TFB2M: variants seen among roughly 807,000 people sequenced by gnomAD.
The protein encoded by TFB2M is transcription factor B2, mitochondrial.
TFB2M carries 44 observed loss-of-function variants against 41.3 expected under a neutral mutation model. That is an observed-to-expected ratio of 1.07 (90% confidence interval 0.84 to 1.37). TFB2M has a LOEUF of 1.37. Ranked by LOEUF, TFB2M falls within the 40% of genes most tolerant of loss-of-function variation. The pLI is 0.00. For synonymous variants in TFB2M, 188 were observed against 176.8 expected, an observed-to-expected ratio of 1.06 and a Z score of -0.50; for missense variants, 496 against 490.2, an observed-to-expected ratio of 1.01 and a Z score of -0.11.
chr1:246,546,298 G>A (rs1464029114), intron 6 of TFB2M, among the ~76,000 whole-genome samples: 1 of 63,318 alleles, frequency 1.6e-5, no homozygotes, highest in African/African-American at 4.2e-5. Context: ...GGAGAAGAGT[G>A]AGACACTGTC....
intron 6 of TFB2M, among the ~76,000 whole-genome samples, chr1:246,547,018 C>CT (rs1659041920): frequency 7.4e-6 from 1 of 135,702 alleles, no homozygotes; most frequent in Non-Finnish European, 1.5e-5. Flanking sequence ...AAGTCTCACT[C>CT]TGTTATCCAG....
chr1:246,542,955 CAA>C (rs1658903916), intron 7 of TFB2M, among the ~76,000 whole-genome samples: 1 of 130,814 alleles, frequency 7.6e-6, no homozygotes, highest in Non-Finnish European at 1.6e-5. Flanking sequence ...AGGCTCATCT[CAA>C]AGTCTTGTTG....
intron 4 of TFB2M, among the ~76,000 whole-genome samples, chr1:246,551,524 G>A (rs1022653283): frequency 6.6e-5 from 10 of 152,160 alleles, no homozygotes; most frequent in African/African-American, 2.2e-4. Context: ...TGGGCGTTCC[G>A]TGTGAGATGA....
chr1:246,554,662 A>T lies in TFB2M; in HGVS notation c.705+1911T>A, dbSNP rs539942451. ...TTGTATAATTATTTCATTATATATT[A>T]CAATGTAATAATAATAGAAATAAAG... On this transcript the variant is annotated intron_variant, in intron 4 of 7. Transcript: ENST00000366514. Among the ~76,000 whole-genome samples the T allele has an allele frequency of 1.8e-3, 272 of 152,280 alleles. 2 individuals carry two copies. The highest frequency in any genetic ancestry group is 3.1e-3 in the Non-Finnish European group (214 of 68,020).
In TFB2M at chr1:246,559,624, AG is replaced by A. The variant is rs1410832493; in HGVS notation, c.403-2091del. Among the ~76,000 whole-genome samples, 23 of 152,342 alleles carry A rather than the reference AG, an allele frequency of 1.5e-4. 1 individual carries two copies. Among genetic ancestry groups the A allele is most frequent in the East Asian group, 5.8e-4 (3 of 5,182 alleles). On this transcript the variant is annotated intron_variant, in intron 2 of 7. Transcript: ENST00000366514. ...GGGAAGTTTTAAAAAGACTAGAGGA[AG>A]GGAAAGACTGGGGGTGGAAATCATA...
At chr1:246,553,554 C>T (rs186914526) in intron 4 of TFB2M, among the ~76,000 whole-genome samples, 22 of 152,006 alleles carry the variant, frequency 1.4e-4, no homozygotes, top group African/African-American at 4.3e-4. Context: ...TGTAGTCCCA[C>T]CTACTGGGGA....
intron 2 of TFB2M, among the ~76,000 whole-genome samples, chr1:246,562,595 T>C (rs1659482967): frequency 6.6e-6 from 1 of 151,784 alleles, no homozygotes; most frequent in Non-Finnish European, 1.5e-5. Flanking sequence ...GGTCAGTCTA[T>C]AAAAATCGAA....
chr1:246,555,864 T>C (rs1207871644), intron 4 of TFB2M, among the ~76,000 whole-genome samples: 1 of 152,060 alleles, frequency 6.6e-6, no homozygotes, highest in Non-Finnish European at 1.5e-5. Flanking sequence ...GATCTGGGCT[T>C]ATAGCAACCT....
At chr1:246,545,290 G>C (rs1224415630) in intron 6 of TFB2M, among the ~76,000 whole-genome samples, 1 of 152,040 alleles carries the variant, frequency 6.6e-6, no homozygotes, top group African/African-American at 2.4e-5. Context: ...CAGCACTTTG[G>C]GAGGCCAAGG....
intron 4 of TFB2M, 86 bp downstream of exon 4, chr1:246,556,487 C>T (rs1249101370): frequency 2.0e-6 from 2 of 1,011,936 alleles, no homozygotes; most frequent in Non-Finnish European, 2.8e-6. Context: ...ATGTCACGAG[C>T]CCTAAATTAA....
intron 6 of TFB2M, among the ~76,000 whole-genome samples, chr1:246,544,882 T>C (rs1328541895): frequency 6.6e-6 from 1 of 152,190 alleles, no homozygotes. Context: ...CTCCACTCAC[T>C]GAAAGCTCCA....
intron 4 of TFB2M, 108 bp from the exon 5 acceptor site, chr1:246,551,410 A>T: frequency 2.5e-6 from 2 of 791,862 alleles, no homozygotes; most frequent in Non-Finnish European, 4.1e-6. Flanking sequence ...CATTTAAGAA[A>T]AGAAAACTAG....
At chr1:246,546,312 T>TAAAAAA in intron 6 of TFB2M, among the ~76,000 whole-genome samples, 1 of 140,286 alleles carries the variant, frequency 7.1e-6, no homozygotes, top group East Asian at 2.1e-4. Context: ...CACTGTCTTT[T>TAAAAAA]AAAAAAAGAA....
chr1:246,565,355 C>T lies in TFB2M; in HGVS notation c.313+471G>A, dbSNP rs139015422. 6.2e-4 allele frequency among the ~76,000 whole-genome samples: 94 copies of T among 152,320 alleles called. 1 individual carries two copies. In the East Asian group the frequency reaches 0.016, roughly 27 times the overall value. On this transcript the variant is annotated intron_variant, in intron 1 of 7. Transcript: ENST00000366514. ...CTGCTACAGAAATACTTTGTGGTGTCATTAACGATACAGACTCTACGCTTA... is the reference window on the plus strand; with the variant it reads ...CTGCTACAGAAATACTTTGTGGTGTTATTAACGATACAGACTCTACGCTTA...
intron 1 of TFB2M, 24 bp from the exon 2 acceptor site, chr1:246,564,458 G>A (rs755837922): frequency 6.2e-7 from 1 of 1,600,492 alleles, no homozygotes; most frequent in South Asian, 1.1e-5. Context: ...AGAACGAAAA[G>A]TTTATTTGTA....
intron 7 of TFB2M, among the ~76,000 whole-genome samples, chr1:246,541,463 T>A (rs911105295): frequency 7.0e-6 from 1 of 143,444 alleles, no homozygotes; most frequent in African/African-American, 2.5e-5. Flanking sequence ...ACTTCAACAA[T>A]CCATCCATGA....
chr1:246,556,797 A>G, intron 3 of TFB2M, 76 bp from the exon 4 acceptor site: 1 of 1,167,966 alleles, frequency 8.6e-7, no homozygotes, highest in Non-Finnish European at 1.2e-6. Flanking sequence ...TTTTGAGACA[A>G]ACTAAGTTAA....
At position 246,564,514 on chromosome 1, in the gene TFB2M, C is replaced by T. The variant is rs1659543414; in HGVS notation, c.314-80G>A. On this transcript the variant is annotated intron_variant, in intron 1 of 7. Coordinates refer to ENST00000366514, the MANE Select transcript of TFB2M (RefSeq NM_022366.3). ...AATACCAAACTTTCATTAGATGTTT[C>T]ACACGTTATTACCTGGTTTTTAAAT... 6.2e-6 allele frequency: 8 copies of T among 1,297,212 alleles called. No individual in the cohort carries two copies. The Admixed American group carries it at 1.4e-4, about 23-fold the overall frequency. 80.4% of individuals were successfully genotyped at this position (1,297,212 alleles called of 1,614,324 possible).
At chr1:246,562,474 C>T (rs1194896621) in intron 2 of TFB2M, among the ~76,000 whole-genome samples, 1 of 152,122 alleles carries the variant, frequency 6.6e-6, no homozygotes, top group Non-Finnish European at 1.5e-5. Flanking sequence ...TGAAATGCTC[C>T]AAAATGTGAA....
Sources: allele counts gnomAD v4.1 joint callset (sites outside exome capture counted in the v4.1 genomes callset), GRCh38; gene constraint gnomAD v4.1.1; transcripts MANE v1.5; gene names NCBI Gene and HGNC (gene_info 2026-07-23, HGNC 2026-07-21).